Variants in HMCN2 observed in about 807,000 individuals in gnomAD.
HMCN2 encodes the protein hemicentin 2.
In HMCN2, 325 loss-of-function variants were observed where a neutral mutation model predicts 377.5. The ratio of observed to expected loss-of-function variants is 0.86; its 90% confidence interval spans 0.79 to 0.94. HMCN2 has a LOEUF of 0.94. Ranked by LOEUF, HMCN2 falls within the 40% of genes least tolerant of loss-of-function variation. The pLI is 0.00. For synonymous variants in HMCN2, 2,007 were observed against 2,046.8 expected (o/e 0.98, Z 0.53); for missense variants, 4,543 against 4,725.3 (o/e 0.96, Z 1.13).
intron 22 of HMCN2, among the ~76,000 whole-genome samples, chr9:130,332,113 T>A (rs1838462215): frequency 6.6e-6 from 1 of 152,166 alleles, no homozygotes; most frequent in African/African-American, 2.4e-5. Context: ...GCCAGTGGTG[T>A]GCCTGGACTG....
rs1299794725 is a variant in HMCN2 at position 130,325,850 on chromosome 9, G to A, written c.3073G>A (p.Val1025Met). 1 of 152,334 alleles carries A rather than the reference G, an allele frequency of 6.6e-6. No individual in the cohort carries two copies. Among genetic ancestry groups the A allele is most frequent in the African/African-American group, 2.4e-5 (1 of 41,466 alleles). The allele number at this position is 152,334 out of a possible 1,614,324, so 9.4% of individuals were successfully genotyped here. Residue 1025 changes from valine to methionine, a missense_variant, in exon 21 of 98, where the codon GTG becomes ATG. By Grantham distance (21) the Val-to-Met change is conservative (BLOSUM62 1). Coordinates refer to ENST00000683500, the MANE Select transcript of HMCN2 (RefSeq NM_001291815.2). ...ALTSRGPHYN[V>M]SKEGTLLIAQ... is the part of the protein sequence containing the mutation. ...GACCTCCAGAGGTCCCCACTACAAT[G>A]TGAGTAAGGAGGGCACCCTGCTCAT...
At chr9:130,293,450 C>A (rs1016092002) in intron 4 of HMCN2, among the ~76,000 whole-genome samples, 1 of 151,668 alleles carries the variant, frequency 6.6e-6, no homozygotes, top group Non-Finnish European at 1.5e-5. Context: ...ACAGGATGGA[C>A]GCTCTTTGAG....
intron 22 of HMCN2, among the ~76,000 whole-genome samples, chr9:130,330,887 T>C (rs932003497): frequency 2.0e-5 from 3 of 151,800 alleles, no homozygotes; most frequent in Admixed American, 6.6e-5. Context: ...CCCAGCACTT[T>C]GGGAAGCCAA....
chr9:130,317,689 G>A (rs1267189057), intron 15 of HMCN2, among the ~76,000 whole-genome samples: 3 of 150,522 alleles, frequency 2.0e-5, no homozygotes, highest in Admixed American at 6.6e-5. Flanking sequence ...TAGTAGAGAC[G>A]GGGTTTCCCC....
At position 130,422,821 on chromosome 9, in the gene HMCN2, T is replaced by G. The variant is rs1299461466; in HGVS notation, c.13381+95T>G. The stretch of plus-strand genomic sequence containing the variant: ...TGCTGGACCTAGGAGGCGCAGAGCC[T>G]GTGCCCCGAGACTTGCTCAAGGCCT... On this transcript the variant is annotated intron_variant, in intron 87 of 97. Coordinates refer to ENST00000683500, the MANE Select transcript of HMCN2 (RefSeq NM_001291815.2). The surrounding 1 kb of genome is among the most constrained non-coding windows in gnomAD (Gnocchi z 4.2). 47 of 1,062,166 alleles carry G rather than the reference T, an allele frequency of 4.4e-5. No homozygotes were observed. The highest frequency in any genetic ancestry group is 5.3e-5 in the Non-Finnish European group (44 of 829,104). 65.8% of individuals were successfully genotyped at this position (1,062,166 alleles called of 1,614,324 possible).
chr9:130,281,294 C>G (rs943641304), intron 1 of HMCN2, among the ~76,000 whole-genome samples: 7 of 152,104 alleles, frequency 4.6e-5, no homozygotes, highest in Non-Finnish European at 1.5e-5. Context: ...CAAGTTACGT[C>G]TCTGGGCTTC....
intron 62 of HMCN2, among the ~76,000 whole-genome samples, chr9:130,389,574 C>G (rs1842196436): frequency 7.2e-6 from 1 of 138,600 alleles, no homozygotes; most frequent in Non-Finnish European, 1.5e-5. Flanking sequence ...ATCAGTACTT[C>G]ATTCTTTTTT....
intron 46 of HMCN2, 125 bp downstream of exon 46, chr9:130,371,256 C>A: frequency 2.4e-6 from 1 of 418,322 alleles, no homozygotes; most frequent in Non-Finnish European, 3.2e-6. Context: ...ATCATTCCAG[C>A]TGCTGGTCCC....
chr9:130,394,488 C>T lies in HMCN2; in HGVS notation c.10605C>T (p.Asn3535=). ...ATGCCCAGGGCACCCCCCAGCCCAA[C>T]ATCACCTGGCATAAGGACGGGCAGG... ...LCDAQGTPQP[N]ITWHKDGQAL... The change falls in exon 69 of 98, where the codon AAC becomes AAT. Residue 3535 remains asparagine (N), a synonymous_variant. Transcript: ENST00000683500. This position sits in a 1 kb window ranked among gnomAD's most constrained non-coding sequence, Gnocchi z 5.1. 4 of 1,289,872 alleles carry T rather than the reference C, an allele frequency of 3.1e-6. No individual in the cohort carries two copies. The highest frequency in any genetic ancestry group is 4.0e-6 in the Non-Finnish European group (4 of 988,864). The allele number at this position is 1,289,872 out of a possible 1,614,324, so 79.9% of individuals were successfully genotyped here.
At chr9:130,266,195 T>C (rs1834086419) in intron 1 of HMCN2, 58 bp downstream of exon 1, 1 of 402,282 alleles carries the variant, frequency 2.5e-6, no homozygotes. Flanking sequence ...CTCACCTGCC[T>C]GACCCCCTCA....
intron 87 of HMCN2, among the ~76,000 whole-genome samples, chr9:130,424,165 ATATAT>A (rs1192063437): frequency 5.0e-4 from 66 of 131,410 alleles, no homozygotes; most frequent in African/African-American, 2.0e-3. Flanking sequence ...ATATATATAT[ATATAT>A]TTTTTTTTTT....
At chr9:130,383,373 A>G (rs1841835793) in intron 56 of HMCN2, 131 bp from the exon 57 acceptor site, 3 of 226,982 alleles carry the variant, frequency 1.3e-5, no homozygotes, top group Non-Finnish European at 2.2e-5. Flanking sequence ...AGGAGGTTCC[A>G]GGTCTCCATG....
chr9:130,343,747 C>A (rs1025434320), intron 25 of HMCN2, among the ~76,000 whole-genome samples: 16 of 152,256 alleles, frequency 1.1e-4, no homozygotes, highest in South Asian at 2.1e-4. Flanking sequence ...AGCACTGCCT[C>A]TCCCCACCAG....
intron 1 of HMCN2, among the ~76,000 whole-genome samples, chr9:130,269,730 A>T (rs1279522514): frequency 6.8e-6 from 1 of 146,522 alleles, no homozygotes; most frequent in Non-Finnish European, 1.5e-5. Context: ...AAATTTTTTC[A>T]TGGGAGTTTT....
chr9:130,392,735 C>T (rs192782778), intron 66 of HMCN2, among the ~76,000 whole-genome samples: 19 of 142,218 alleles, frequency 1.3e-4, no homozygotes, highest in African/African-American at 2.4e-4. Flanking sequence ...CGGTGGCTCA[C>T]GCCTGTAATC....
At position 130,406,158 on chromosome 9, in the gene HMCN2, G is replaced by A; in HGVS notation, c.12543G>A (p.Arg4181=). The A allele has an allele frequency of 2.3e-6, 3 of 1,289,858 alleles. No homozygotes were observed. Among genetic ancestry groups the A allele is most frequent in the Non-Finnish European group, 3.0e-6 (3 of 988,864 alleles). The allele number at this position is 1,289,858 out of a possible 1,614,324, so 79.9% of individuals were successfully genotyped here. Reference sequence around the variant, plus strand: ...GCATTGGCTGGACTGTCAACGACCGGCCAGTCACAGGTCTGGGTCTGCTGG... The same window carrying A: ...GCATTGGCTGGACTGTCAACGACCGACCAGTCACAGGTCTGGGTCTGCTGG... ...TPRIGWTVND[R]PVTEGVSEQD... is the part of the protein sequence containing the mutation. Residue 4181 remains arginine (R), a synonymous_variant, in exon 82 of 98, where the codon CGG becomes CGA. Transcript: ENST00000683500.
At chr9:130,314,394 T>C (rs1837429795) in intron 15 of HMCN2, among the ~76,000 whole-genome samples, 1 of 152,234 alleles carries the variant, frequency 6.6e-6, no homozygotes, top group South Asian at 2.1e-4. Context: ...AAATGACCAA[T>C]AGTGAATAGA....
At chr9:130,267,900 G>C (rs1016283789) in intron 1 of HMCN2, among the ~76,000 whole-genome samples, 7 of 152,194 alleles carry the variant, frequency 4.6e-5, no homozygotes, top group African/African-American at 1.4e-4. Flanking sequence ...CGTCTCCCCA[G>C]CTCTCTCACC....
intron 85 of HMCN2, among the ~76,000 whole-genome samples, chr9:130,417,822 AAC>A (rs1336522171): frequency 6.6e-6 from 1 of 152,232 alleles, no homozygotes; most frequent in African/African-American, 2.4e-5. Context: ...GCAGGAAGCG[AAC>A]ACACAGGCAC....
Sources: gnomAD v4.1 joint callset for allele counts (sites outside exome capture counted in the v4.1 genomes callset) on GRCh38, gnomAD v4.1.1 for gene constraint, Gnocchi (gnomAD v3.1) non-coding constraint, MANE v1.5 for transcripts, NCBI Gene and HGNC (gene_info 2026-07-23, HGNC 2026-07-21) for gene names.